The following SUPT3H variants were observed in gnomAD, a reference collection of about 807,000 sequenced individuals.
SUPT3H encodes the protein SPT3 homolog, SAGA and STAGA complex component, also known as transcription initiation protein SPT3 homolog.
In SUPT3H, 44 loss-of-function variants were observed where a neutral mutation model predicts 44.3. The ratio of observed to expected loss-of-function variants is 0.99; its 90% CI spans 0.78 to 1.28. The LOEUF (loss-of-function observed/expected upper bound fraction) is 1.28, where lower values mean the gene tolerates loss of function less well. SUPT3H is among the 50% of genes most tolerant of loss of function. SUPT3H has a pLI of 0.00. For synonymous variants in SUPT3H, 124 were observed against 125.6 expected (o/e 0.99, Z 0.09); for missense variants, 380 against 387.1 (o/e 0.98, Z 0.15).
intron 10 of SUPT3H, among the ~76,000 whole-genome samples, chr6:44,925,126 C>T (rs888173802): frequency 2.0e-5 from 3 of 152,014 alleles, no homozygotes; most frequent in East Asian, 1.9e-4. Flanking sequence ...TATGAACATC[C>T]CTAAACTAAT....
intron 9 of SUPT3H, among the ~76,000 whole-genome samples, chr6:44,947,443 G>C (rs1773530436): frequency 6.6e-6 from 1 of 152,108 alleles, no homozygotes; most frequent in South Asian, 2.1e-4. Flanking sequence ...ATATAAAAAA[G>C]AGAGAAAATC....
At chr6:45,364,231 C>T (rs1794755595) in intron 2 of SUPT3H, among the ~76,000 whole-genome samples, 1 of 151,958 alleles carries the variant, frequency 6.6e-6, no homozygotes, top group Non-Finnish European at 1.5e-5. Flanking sequence ...ATCCTAAGGC[C>T]AAAAAGTTTG....
intron 3 of SUPT3H, among the ~76,000 whole-genome samples, chr6:45,027,782 T>C (rs891152430): frequency 2.0e-5 from 3 of 152,192 alleles, no homozygotes; most frequent in South Asian, 4.1e-4. Context: ...CATCCTTCTA[T>C]TCAATTGATA....
intron 2 of SUPT3H, among the ~76,000 whole-genome samples, chr6:45,194,467 C>CAGA (rs1180957422): frequency 6.6e-6 from 1 of 152,070 alleles, no homozygotes; most frequent in Non-Finnish European, 1.5e-5. Flanking sequence ...GAATACTATT[C>CAGA]AAGTGCTTGT....
rs565053819 is a variant in SUPT3H at position 44,828,686 on chromosome 6, C to G, written c.*1130G>C. 1 of 152,180 alleles carries G rather than the reference C, an allele frequency of 6.6e-6. No homozygotes were observed. The highest frequency in any genetic ancestry group is 1.9e-4 in the East Asian group (1 of 5,186). The allele number at this position is 152,180 out of a possible 1,614,324, so 9.4% of individuals were successfully genotyped here. A position where few individuals can be genotyped will look rare whatever the true frequency, so the allele number is the denominator to read the frequency against. On this transcript the variant is annotated 3_prime_UTR_variant, in exon 11 of 11. Coordinates refer to ENST00000371459, the MANE Select transcript of SUPT3H (RefSeq NM_003599.4). ...GAAGCAGTATCAAGAGAGGCTTGCTCTCTTGAGCAGTATCAAGAAAAAGGA... is the reference window on the plus strand; with the variant it reads ...GAAGCAGTATCAAGAGAGGCTTGCTGTCTTGAGCAGTATCAAGAAAAAGGA...
intron 2 of SUPT3H, among the ~76,000 whole-genome samples, chr6:45,151,044 T>C (rs1479996463): frequency 6.6e-6 from 1 of 152,102 alleles, no homozygotes; most frequent in Non-Finnish European, 1.5e-5. Flanking sequence ...TTTCAAAGCA[T>C]TCAATGAGAG....
chr6:45,016,659 C>A (rs1351545609), intron 4 of SUPT3H, among the ~76,000 whole-genome samples: 1 of 151,998 alleles, frequency 6.6e-6, no homozygotes, highest in African/African-American at 2.4e-5. Context: ...CATGTCCCTA[C>A]AAAGGACATG....
intron 3 of SUPT3H, among the ~76,000 whole-genome samples, chr6:45,060,592 T>C (rs767074168): frequency 1.3e-5 from 2 of 151,582 alleles, no homozygotes; most frequent in Non-Finnish European, 2.9e-5. Flanking sequence ...AATTGACAAA[T>C]GGGATCTAAT....
chr6:45,166,297 G>C (rs556280951), intron 2 of SUPT3H, among the ~76,000 whole-genome samples: 2 of 151,892 alleles, frequency 1.3e-5, no homozygotes, highest in African/African-American at 4.8e-5. Context: ...GTCTCAAAAA[G>C]CAGGGAGAGG....
At chr6:45,268,816 G>A (rs1247859185) in intron 2 of SUPT3H, among the ~76,000 whole-genome samples, 1 of 152,068 alleles carries the variant, frequency 6.6e-6, no homozygotes, top group African/African-American at 2.4e-5. Context: ...AATTGAATAT[G>A]GATTTTTACT....
intron 2 of SUPT3H, among the ~76,000 whole-genome samples, chr6:45,239,974 A>G (rs1360901883): frequency 2.6e-5 from 4 of 152,250 alleles, no homozygotes; most frequent in African/African-American, 4.8e-5. Flanking sequence ...GCTGAAGAGC[A>G]TCTACAGAAA....
chr6:45,208,964 G>T (rs1454331544), intron 2 of SUPT3H, among the ~76,000 whole-genome samples: 1 of 151,984 alleles, frequency 6.6e-6, no homozygotes, highest in Non-Finnish European at 1.5e-5. Context: ...AAAAATGTCA[G>T]GCCCTTAAGA....
intron 3 of SUPT3H, among the ~76,000 whole-genome samples, chr6:45,085,880 G>A (rs11964325): frequency 0.36 from 54,402 of 151,730 alleles, 10,511 homozygotes; most frequent in Non-Finnish European, 0.43. Context: ...ATAAAACAAC[G>A]GCTTATTAGG....
rs917848428 is a variant in SUPT3H, at chr6:45,270,207, C to G, written c.101+94994G>C. 1.3e-5 allele frequency among the ~76,000 whole-genome samples: 2 copies of G among 152,052 alleles called. 1 individual carries two copies. The highest frequency in any genetic ancestry group is 2.9e-5 in the Non-Finnish European group (2 of 68,010). On this transcript the variant is annotated intron_variant, in intron 2 of 10. Coordinates refer to ENST00000371459, the MANE Select transcript of SUPT3H (RefSeq NM_003599.4). ...TCAAGACACTTGTAAATGATGATACCAGCCACTTATTACTCTATCCCTAAA... is the reference window on the plus strand; with the variant it reads ...TCAAGACACTTGTAAATGATGATACGAGCCACTTATTACTCTATCCCTAAA...
At position 44,849,882 on chromosome 6, in the gene SUPT3H, C is replaced by T. The variant is rs986241765; in HGVS notation, c.913-20025G>A. Among the ~76,000 whole-genome samples, 5 of 152,204 alleles carry T rather than the reference C, an allele frequency of 3.3e-5. 1 individual carries two copies. The highest frequency in any genetic ancestry group is 2.4e-5 in the African/African-American group (1 of 41,528). ...CAATATATTTATACATTTATAAAAG[C>T]GAATTCATACTGTTGGCAATGTATT... On this transcript the variant is annotated intron_variant, in intron 10 of 10. Coordinates refer to ENST00000371459, the MANE Select transcript of SUPT3H (RefSeq NM_003599.4).
intron 2 of SUPT3H, among the ~76,000 whole-genome samples, chr6:45,184,016 C>G (rs144129929): frequency 2.5e-4 from 38 of 152,234 alleles, no homozygotes; most frequent in African/African-American, 8.7e-4. Context: ...ATGGTGCATA[C>G]ATGTCATACA....
intron 2 of SUPT3H, among the ~76,000 whole-genome samples, chr6:45,317,227 C>CAAAAAAAAA (rs70996324): frequency 8.3e-5 from 3 of 36,094 alleles, no homozygotes; most frequent in Admixed American, 4.3e-4. Flanking sequence ...GACTCTGTCT[C>CAAAAAAAAA]AAAAAAAAAA....
chr6:45,277,423 G>T (rs942901176), intron 2 of SUPT3H, among the ~76,000 whole-genome samples: 30 of 152,074 alleles, frequency 2.0e-4, no homozygotes, highest in African/African-American at 6.8e-4. Flanking sequence ...GAAGAAAAGA[G>T]AATTTTTTTT....
intron 3 of SUPT3H, among the ~76,000 whole-genome samples, chr6:45,071,280 T>C: frequency 6.8e-6 from 1 of 147,132 alleles, no homozygotes; most frequent in East Asian, 1.9e-4. Flanking sequence ...CAGACCCACA[T>C]CAAGAAAATC....
Sources: allele counts gnomAD v4.1 joint callset (sites outside exome capture counted in the v4.1 genomes callset), GRCh38; gene constraint gnomAD v4.1.1; transcripts MANE v1.5; gene names NCBI Gene and HGNC (gene_info 2026-07-23, HGNC 2026-07-21).